The following TAB2 variants were observed in gnomAD, a reference collection of about 807,000 sequenced individuals.
TAB2 encodes the protein TGF-beta-activated kinase 1 and MAP3K7-binding protein 2.
In TAB2, 3 loss-of-function variants were observed where a neutral mutation model predicts 65.0. That is an observed-to-expected ratio of 0.05 (90% CI 0.02 to 0.12). TAB2 has a LOEUF of 0.12. TAB2 is among the 10% of genes least tolerant of loss of function. The pLI, the probability that TAB2 is intolerant of heterozygous loss-of-function variation, is 1.00. For synonymous variants in TAB2, 298 were observed against 285.1 expected (o/e 1.05, Z -0.46); for missense variants, 623 against 840.3 (o/e 0.74, Z 3.20).
intron 3 of TAB2, chr6:149,380,198 A>C (rs578237457): frequency 5.0e-6 from 1 of 201,774 alleles, no homozygotes; most frequent in South Asian, 7.0e-5. Flanking sequence ...CTGTGACCAT[A>C]CCACTCTGCC....
chr6:149,294,493 T>C (rs1023476300), intron 1 of TAB2, among the ~76,000 whole-genome samples: 1 of 152,212 alleles, frequency 6.6e-6, no homozygotes, highest in African/African-American at 2.4e-5. Flanking sequence ...ACCTATGAAT[T>C]TTGGAGGAAC....
chr6:149,312,283 G>A (rs1779178685), intron 1 of TAB2, among the ~76,000 whole-genome samples: 1 of 152,162 alleles, frequency 6.6e-6, no homozygotes, highest in African/African-American at 2.4e-5. Flanking sequence ...AGAGAAATAA[G>A]ATAAAAATGA....
chr6:149,404,058 T>G (rs1245651926), intron 6 of TAB2, among the ~76,000 whole-genome samples: 1 of 152,170 alleles, frequency 6.6e-6, no homozygotes. Flanking sequence ...GCAGGCGACA[T>G]GATCATATAT....
intron 1 of TAB2, among the ~76,000 whole-genome samples, chr6:149,309,300 C>A (rs73611006): frequency 0.072 from 9,586 of 132,504 alleles, 983 homozygotes; most frequent in African/African-American, 0.24. Context: ...TATACTTTTG[C>A]AAACCCTTTA....
intron 1 of TAB2, among the ~76,000 whole-genome samples, chr6:149,274,995 T>C (rs1398477593): frequency 1.3e-5 from 2 of 152,114 alleles, no homozygotes; most frequent in Admixed American, 6.6e-5. Context: ...AAACAGAATG[T>C]CTGGCTTCTC....
chr6:149,332,317 A>G (rs928111500), intron 1 of TAB2, among the ~76,000 whole-genome samples: 3 of 152,200 alleles, frequency 2.0e-5, no homozygotes, highest in African/African-American at 7.2e-5. Flanking sequence ...GAAAGAAGTT[A>G]TAGTGGTATT....
At chr6:149,359,841 CAG>C (rs1396512557) in intron 1 of TAB2, among the ~76,000 whole-genome samples, 4 of 152,158 alleles carry the variant, frequency 2.6e-5, no homozygotes, top group Admixed American at 2.0e-4. Flanking sequence ...TTTTTCATAA[CAG>C]AAGAGGTTCT....
At chr6:149,407,561 G>A (rs1352823384) in intron 6 of TAB2, among the ~76,000 whole-genome samples, 1 of 152,044 alleles carries the variant, frequency 6.6e-6, no homozygotes, top group Non-Finnish European at 1.5e-5. Flanking sequence ...TTGTATGCTG[G>A]CTGTTTTGGG....
chr6:149,244,734 A>C, intron 1 of TAB2: 1 of 152,100 alleles, frequency 6.6e-6, no homozygotes, highest in East Asian at 1.9e-4. Flanking sequence ...AAATACAAAA[A>C]CTAGCCAGGC....
At chr6:149,404,227 CAAG>C (rs999381928) in intron 6 of TAB2, among the ~76,000 whole-genome samples, 5 of 152,022 alleles carry the variant, frequency 3.3e-5, no homozygotes, top group African/African-American at 7.2e-5. Flanking sequence ...TTCACAATAG[CAAG>C]AAGAAGAGTG....
chr6:149,380,126 G>T (rs1356323357), intron 3 of TAB2: 2 of 297,590 alleles, frequency 6.7e-6, no homozygotes, highest in Non-Finnish European at 1.3e-5. Context: ...TGTAGTCCCA[G>T]TTACTCAGTA....
At chr6:149,234,205 A>G (rs1449960058) in intron 1 of TAB2, among the ~76,000 whole-genome samples, 1 of 152,252 alleles carries the variant, frequency 6.6e-6, no homozygotes, top group Non-Finnish European at 1.5e-5. Context: ...AACCTACTAA[A>G]AGCAGACTAT....
chr6:149,325,879 A>G (rs1488376297), intron 1 of TAB2, among the ~76,000 whole-genome samples: 1 of 152,210 alleles, frequency 6.6e-6, no homozygotes, highest in Non-Finnish European at 1.5e-5. Flanking sequence ...AGCTGGGATT[A>G]CAGATGCGTA....
At chr6:149,268,253 G>C (rs762642090) in intron 1 of TAB2, among the ~76,000 whole-genome samples, 1 of 152,116 alleles carries the variant, frequency 6.6e-6, no homozygotes, top group East Asian at 1.9e-4. Context: ...TCCGCATCAC[G>C]GTCCACTGTG....
At position 149,378,312 on chromosome 6, in the gene TAB2, G is replaced by A. The variant is rs1224246727; in HGVS notation, c.397G>A (p.Val133Ile). 2 of 1,614,206 alleles carry A rather than the reference G, an allele frequency of 1.2e-6. No individual in the cohort carries two copies. The highest frequency in any genetic ancestry group is 2.2e-5 in the East Asian group (1 of 44,878). ...QQEPQTAPAQ[V>I]PQGFNVFGMS... ...GGAGCCACAGACAGCACCAGCTCAA[G>A]TTCCTCAAGGCTTTAATGTTTTTGG... The change falls in exon 3 of 7, where the codon GTT becomes ATT. Residue 133 changes from valine (V) to isoleucine (I), a missense_variant. By Grantham distance (29) the Val-to-Ile change is conservative. Transcript: ENST00000637181.
chr6:149,378,790 C>T lies in TAB2; in HGVS notation c.875C>T (p.Thr292Ile). 1 of 1,614,166 alleles carries T rather than the reference C, an allele frequency of 6.2e-7. No homozygotes were observed. Residue 292 changes from threonine to isoleucine, a missense_variant, in exon 3 of 7, where the codon ACT becomes ATT. Physicochemically the swap from Thr to Ile is moderately conservative, Grantham distance 89 (BLOSUM62 -1). Transcript: ENST00000637181. ...TACATGCCAATCAGTTCACCTACTA[C>T]TTCACAACCACCAACCATTCATTCA... The part of the protein sequence containing the change: ...HVYMPISSPT[T>I]SQPPTIHSSG...
At chr6:149,314,355 G>C (rs902590551), upstream of TAB2, among the ~76,000 whole-genome samples, 1 of 152,160 alleles carries the variant, frequency 6.6e-6, no homozygotes, top group African/African-American at 2.4e-5. Context: ...GAACAGTCCA[G>C]GCTCAGCAGC....
intron 1 of TAB2, among the ~76,000 whole-genome samples, chr6:149,287,263 C>T (rs1241662805): frequency 6.6e-6 from 1 of 152,134 alleles, no homozygotes; most frequent in Admixed American, 6.6e-5. Context: ...GTTTTGTTTG[C>T]TTGTTTATGT....
intron 1 of TAB2, among the ~76,000 whole-genome samples, chr6:149,287,466 G>C (rs1778696459): frequency 7.6e-6 from 1 of 132,432 alleles, no homozygotes; most frequent in Non-Finnish European, 1.6e-5. Context: ...AATATAACAA[G>C]CAAACTTTGT....
Sources: gnomAD v4.1 joint callset for allele counts (sites outside exome capture counted in the v4.1 genomes callset) on GRCh38, gnomAD v4.1.1 for gene constraint, MANE v1.5 for transcripts, NCBI Gene and HGNC (gene_info 2026-07-23, HGNC 2026-07-21) for gene names.